PLD1: variants seen among roughly 807,000 people sequenced by gnomAD.
The protein encoded by PLD1 is choline phosphatase 1.
Under a neutral mutation model 137.1 loss-of-function variants are expected in PLD1, and 112 were observed. The observed-to-expected ratio is 0.82, with a 90% CI of 0.70 to 0.96. PLD1 has a LOEUF of 0.96. Ranked by LOEUF, PLD1 falls within the 40% of genes least tolerant of loss-of-function variation. PLD1 has a pLI of 0.00. For missense variants in PLD1, 1,321 were observed against 1,342.0 expected (o/e 0.98, Z 0.24); for synonymous variants, 431 against 454.7 (o/e 0.95, Z 0.66).
At chr3:171,603,877 A>G (rs766079083) in intron 26 of PLD1, among the ~76,000 whole-genome samples, 2 of 152,180 alleles carry the variant, frequency 1.3e-5, no homozygotes, top group African/African-American at 2.4e-5. Context: ...GTTATGCTTC[A>G]TATTCAGATT....
chr3:171,639,305 CAT>C (rs1481142698), intron 23 of PLD1, among the ~76,000 whole-genome samples: 5 of 130,488 alleles, frequency 3.8e-5, no homozygotes, highest in Non-Finnish European at 7.9e-5. Context: ...ATAAATATAT[CAT>C]ATATTATCTA....
intron 1 of PLD1, among the ~76,000 whole-genome samples, chr3:171,795,925 G>A (rs1293479225): frequency 6.6e-6 from 1 of 152,150 alleles, no homozygotes; most frequent in Non-Finnish European, 1.5e-5. Context: ...TCCCTAAAGT[G>A]TCCATGAATA....
At chr3:171,734,565 C>T (rs1719203203) in intron 5 of PLD1, among the ~76,000 whole-genome samples, 1 of 152,020 alleles carries the variant, frequency 6.6e-6, no homozygotes, top group African/African-American at 2.4e-5. Context: ...TCTCAAAACC[C>T]ACAACAATGA....
At chr3:171,722,279 T>C (rs1718186396) in intron 8 of PLD1, among the ~76,000 whole-genome samples, 1 of 152,208 alleles carries the variant, frequency 6.6e-6, no homozygotes. Flanking sequence ...CTTACCATGA[T>C]AAACATTTTT....
At chr3:171,793,611 T>G (rs1723306774) in intron 1 of PLD1, 1 of 152,188 alleles carries the variant, frequency 6.6e-6, no homozygotes, top group South Asian at 2.1e-4. Flanking sequence ...TACAGTTACT[T>G]GAACATAAGC....
chr3:171,662,863 A>G (rs1711660059), intron 19 of PLD1, among the ~76,000 whole-genome samples: 1 of 152,256 alleles, frequency 6.6e-6, no homozygotes, highest in African/African-American at 2.4e-5. Context: ...GGCTCAGAGA[A>G]GCAAAGAAAC....
intron 23 of PLD1, among the ~76,000 whole-genome samples, chr3:171,636,476 T>C (rs1735140707): frequency 2.6e-5 from 4 of 152,172 alleles, no homozygotes; most frequent in Admixed American, 6.5e-5. Context: ...AGCGTAGGTA[T>C]CTTCCACTAC....
chr3:171,628,956 CA>C (rs1734392560), intron 23 of PLD1, among the ~76,000 whole-genome samples: 1 of 148,138 alleles, frequency 6.8e-6, no homozygotes, highest in Admixed American at 6.7e-5. Flanking sequence ...TGGCACAAGA[CA>C]GGGATGCCCT....
chr3:171,658,979 A>G (rs1385229055), intron 21 of PLD1, among the ~76,000 whole-genome samples: 1 of 152,256 alleles, frequency 6.6e-6, no homozygotes, highest in African/African-American at 2.4e-5. Context: ...TGTGTGGGAA[A>G]CAGACTGGCC....
intron 23 of PLD1, among the ~76,000 whole-genome samples, chr3:171,621,236 T>A (rs1382285241): frequency 4.6e-5 from 7 of 152,154 alleles, no homozygotes; most frequent in Non-Finnish European, 1.5e-5. Flanking sequence ...GCCATTCACA[T>A]GATAAGAAGA....
chr3:171,808,815 ATTTTTTTT>A (rs60146546), intron 1 of PLD1, among the ~76,000 whole-genome samples: 890 of 86,266 alleles, frequency 0.01, 12 homozygotes, highest in African/African-American at 0.039. Flanking sequence ...TTAGCATTCA[ATTTTTTTT>A]TTTTTTTTTT....
chr3:171,661,171 G>C (rs1042074162), intron 20 of PLD1, among the ~76,000 whole-genome samples: 1 of 152,062 alleles, frequency 6.6e-6, no homozygotes, highest in Non-Finnish European at 1.5e-5. Flanking sequence ...CTCTAGCCAG[G>C]CTCATGAAAC....
At chr3:171,616,665 G>A (rs1218870160) in intron 24 of PLD1, among the ~76,000 whole-genome samples, 1 of 152,116 alleles carries the variant, frequency 6.6e-6, no homozygotes, top group Non-Finnish European at 1.5e-5. Context: ...TGGAAGAAGG[G>A]GCTGTGAGCC....
intron 1 of PLD1, among the ~76,000 whole-genome samples, chr3:171,768,543 G>A (rs1296332992): frequency 2.0e-5 from 3 of 152,204 alleles, no homozygotes; most frequent in Non-Finnish European, 4.4e-5. Flanking sequence ...TGGTCCATCA[G>A]GTGAAAATCT....
In PLD1 at chr3:171,687,597, T is replaced by A. The variant is rs1005500326; in HGVS notation, c.1540-13A>T. ...CCATTGCGGCAGGCTGAGAAAAATT[T>A]TTTTTTAAAAAAAGACACTGCATAA... On this transcript the variant is annotated splice_polypyrimidine_tract_variant and intron_variant, in intron 14 of 26. Transcript: ENST00000351298. 14 of 1,594,634 alleles carry A rather than the reference T, an allele frequency of 8.8e-6. No homozygotes were observed. The Admixed American group carries it at 2.4e-4, about 27-fold the overall frequency.
In PLD1 at chr3:171,746,310, G is replaced by A. The variant is rs537620058; in HGVS notation, c.-31-8228C>T. Among the ~76,000 whole-genome samples the A allele has an allele frequency of 1.8e-3, 275 of 152,338 alleles. 1 individual carries two copies. The highest frequency in any genetic ancestry group is 6.3e-3 in the African/African-American group (264 of 41,588). On this transcript the variant is annotated intron_variant, in intron 1 of 26. Coordinates refer to ENST00000351298, the MANE Select transcript of PLD1 (RefSeq NM_002662.5). Reference sequence around the variant, plus strand: ...GCAGCTCAGCCTGCAGCCTGGGCACGGGATCCACTAGGCAAAGCCAGCTGG... The same window carrying A: ...GCAGCTCAGCCTGCAGCCTGGGCACAGGATCCACTAGGCAAAGCCAGCTGG...
At chr3:171,634,335 A>G (rs1473524043) in intron 23 of PLD1, among the ~76,000 whole-genome samples, 2 of 152,194 alleles carry the variant, frequency 1.3e-5, no homozygotes, top group Non-Finnish European at 2.9e-5. Flanking sequence ...GAGAAACTCA[A>G]TAATAAGCTG....
At position 171,612,192 on chromosome 3, in the gene PLD1, G is replaced by T; in HGVS notation, c.2882+87C>A. 1 of 1,177,364 alleles carries T rather than the reference G, an allele frequency of 8.5e-7. No individual in the cohort carries two copies. The highest frequency in any genetic ancestry group is 1.2e-6 in the Non-Finnish European group (1 of 806,872). The allele number at this position is 1,177,364 out of a possible 1,614,324, so 72.9% of individuals were successfully genotyped here. A position where few individuals can be genotyped will look rare whatever the true frequency, so the allele number is the denominator to read the frequency against. On this transcript the variant is annotated intron_variant, in intron 25 of 26. Transcript: ENST00000351298. This position sits in a 1 kb window ranked among gnomAD's most constrained non-coding sequence, Gnocchi z 4.1. ...TTTTAGATGAAGAAGAACCTAGGAT[G>T]ACCCATGTGCTCAGGGCTAGCGGGG...
At chr3:171,641,573 T>C (rs973694730) in intron 23 of PLD1, among the ~76,000 whole-genome samples, 4 of 152,190 alleles carry the variant, frequency 2.6e-5, no homozygotes, top group Non-Finnish European at 5.9e-5. Flanking sequence ...CTGAAGGTCA[T>C]ATCATGACCT....
Sources: gnomAD v4.1 joint callset for allele counts (sites outside exome capture counted in the v4.1 genomes callset) on GRCh38, gnomAD v4.1.1 for gene constraint, Gnocchi (gnomAD v3.1) non-coding constraint, MANE v1.5 for transcripts, NCBI Gene and HGNC (gene_info 2026-07-23, HGNC 2026-07-21) for gene names.